Variants in TLN2 observed in about 807,000 individuals in gnomAD.
TLN2 encodes the protein talin-2.
Under a neutral mutation model 294.7 loss-of-function variants are expected in TLN2, and 118 were observed. The observed-to-expected ratio is 0.40, with a 90% CI of 0.34 to 0.47. The LOEUF (loss-of-function observed/expected upper bound fraction) is 0.47. TLN2 is among the 20% of genes least tolerant of loss of function. The pLI is 0.84. For missense variants in TLN2, 3,083 were observed against 3,282.2 expected (o/e 0.94, Z 1.48); for synonymous variants, 1,431 against 1,304.5 (o/e 1.10, Z -2.09).
chr15:62,794,454 T>G (rs969277940), intron 46 of TLN2, among the ~76,000 whole-genome samples: 1 of 152,044 alleles, frequency 6.6e-6, no homozygotes, highest in Non-Finnish European at 1.5e-5. Context: ...TCACAGAGGG[T>G]GGGATGCTAT....
At chr15:62,482,727 G>T (rs1051660272) in intron 1 of TLN2, among the ~76,000 whole-genome samples, 3 of 149,312 alleles carry the variant, frequency 2.0e-5, no homozygotes, top group African/African-American at 7.4e-5. Flanking sequence ...AAATACAAAA[G>T]AGTTAAAAAA....
intron 1 of TLN2, among the ~76,000 whole-genome samples, chr15:62,418,981 A>G (rs745313464): frequency 1.9e-4 from 29 of 152,296 alleles, no homozygotes; most frequent in African/African-American, 6.3e-4. Context: ...GCCTGACAGA[A>G]AACTTTTAAG....
At chr15:62,513,239 C>A (rs2040021225) in intron 1 of TLN2, among the ~76,000 whole-genome samples, 2 of 152,174 alleles carry the variant, frequency 1.3e-5, no homozygotes, top group African/African-American at 2.4e-5. Context: ...CTTTGCAGGC[C>A]CTTTGCTGTG....
At chr15:62,523,309 T>G (rs974842933) in intron 1 of TLN2, among the ~76,000 whole-genome samples, 9 of 152,226 alleles carry the variant, frequency 5.9e-5, no homozygotes, top group South Asian at 2.1e-4. Flanking sequence ...CATGGTGGTG[T>G]TCTCCTGCAC....
At chr15:62,482,773 CAA>C (rs1320083953) in intron 1 of TLN2, among the ~76,000 whole-genome samples, 1 of 152,088 alleles carries the variant, frequency 6.6e-6, no homozygotes, top group African/African-American at 2.4e-5. Context: ...CACAGGGCTT[CAA>C]AGTCTTCTAA....
chr15:62,666,080 C>T lies in TLN2; in HGVS notation c.789-7747C>T, dbSNP rs542213187. ...CCCTAACTACTTTCAAACCAGGAAC[C>T]GCTGAGGGTATCCAGCCCTGAGCTG... On this transcript the variant is annotated intron_variant, in intron 9 of 58. Transcript: ENST00000636159. Among the ~76,000 whole-genome samples, 16 of 152,278 alleles carry T rather than the reference C, an allele frequency of 1.1e-4. No homozygotes were observed. The East Asian group carries it at 2.5e-3, about 24-fold the overall frequency.
chr15:62,821,855 T>G (rs946350023), intron 54 of TLN2, among the ~76,000 whole-genome samples: 1 of 152,238 alleles, frequency 6.6e-6, no homozygotes, highest in Non-Finnish European at 1.5e-5. Context: ...GTCAGTCAAG[T>G]TAATCGTGAA....
chr15:62,719,050 A>G (rs1188916837), intron 24 of TLN2, among the ~76,000 whole-genome samples: 1 of 152,200 alleles, frequency 6.6e-6, no homozygotes, highest in Non-Finnish European at 1.5e-5. Context: ...TTTATCCACA[A>G]CGATGGCCAC....
chr15:62,800,414 A>G lies in TLN2; in HGVS notation c.6281A>G (p.Asp2094Gly), dbSNP rs1386043834. ...AAAGATGTGGCCAAGGCCCTTTCTG[A>G]TCTCATCAGTGCTACCAAGGGAGCT... ...AIKDVAKALS[D>G]LISATKGAAS... Residue 2094 changes from aspartate (D) to glycine (G), a missense_variant, in exon 49 of 59, where the codon GAT becomes GGT. Coordinates refer to ENST00000636159, the MANE Select transcript of TLN2 (RefSeq NM_015059.3). 6.2e-7 allele frequency: 1 copy of G among 1,614,014 alleles called. No homozygotes were observed. Among genetic ancestry groups the G allele is most frequent in the Non-Finnish European group, 8.5e-7 (1 of 1,180,046 alleles).
chr15:62,555,276 G>C (rs565967427), intron 1 of TLN2, among the ~76,000 whole-genome samples: 1 of 151,884 alleles, frequency 6.6e-6, no homozygotes, highest in Non-Finnish European at 1.5e-5. Flanking sequence ...TTTTTTTTAC[G>C]TTACTAATTT....
intron 1 of TLN2, among the ~76,000 whole-genome samples, chr15:62,534,161 C>A (rs768943074): frequency 1.3e-5 from 2 of 152,076 alleles, no homozygotes; most frequent in South Asian, 4.2e-4. Context: ...TCCCCACATA[C>A]TCACCAAGCA....
chr15:62,712,184 G>A, intron 22 of TLN2, 107 bp downstream of exon 22: 2 of 1,385,040 alleles, frequency 1.4e-6, no homozygotes, highest in Non-Finnish European at 1.9e-6. Context: ...ATTTTTGTTT[G>A]CTTAAAACCT....
intron 37 of TLN2, among the ~76,000 whole-genome samples, chr15:62,757,769 G>T (rs1320236976): frequency 3.9e-5 from 6 of 152,144 alleles, no homozygotes; most frequent in African/African-American, 7.2e-5. Context: ...GGCGCACCCT[G>T]GGAACGAGGA....
intron 1 of TLN2, among the ~76,000 whole-genome samples, chr15:62,418,330 C>T (rs1355594937): frequency 6.6e-6 from 1 of 152,172 alleles, no homozygotes; most frequent in Non-Finnish European, 1.5e-5. Flanking sequence ...AGAATCAACA[C>T]AAATCCCTCA....
At chr15:62,428,620 A>G (rs1050612177) in intron 1 of TLN2, among the ~76,000 whole-genome samples, 34 of 152,160 alleles carry the variant, frequency 2.2e-4, no homozygotes, top group African/African-American at 7.7e-4. Context: ...GAATCTCTTT[A>G]GATTCTTTCC....
At chr15:62,612,234 TC>T (rs1186154789) in intron 2 of TLN2, among the ~76,000 whole-genome samples, 1 of 152,210 alleles carries the variant, frequency 6.6e-6, no homozygotes, top group Non-Finnish European at 1.5e-5. Context: ...GCAGTTTCCT[TC>T]CCTTTTGTCA....
chr15:62,785,824 C>T (rs573357989), intron 45 of TLN2, among the ~76,000 whole-genome samples: 60 of 152,190 alleles, frequency 3.9e-4, no homozygotes, highest in African/African-American at 1.3e-3. Context: ...ACCCACCCAA[C>T]GTGTGAAACA....
chr15:62,817,353 A>G (rs541893513), intron 52 of TLN2, among the ~76,000 whole-genome samples: 34 of 152,336 alleles, frequency 2.2e-4, no homozygotes, highest in African/African-American at 8.2e-4. Context: ...TGAGTTCTTA[A>G]TATCTGCAGA....
At chr15:62,580,298 A>G (rs529619216) in intron 1 of TLN2, among the ~76,000 whole-genome samples, 62 of 152,280 alleles carry the variant, frequency 4.1e-4, no homozygotes, top group Non-Finnish European at 5.9e-4. Context: ...CCAACATCCC[A>G]TGCTAGGGTG....
Sources: allele counts gnomAD v4.1 joint callset (sites outside exome capture counted in the v4.1 genomes callset), GRCh38; gene constraint gnomAD v4.1.1; transcripts MANE v1.5; gene names NCBI Gene and HGNC (gene_info 2026-07-23, HGNC 2026-07-21).